The following NRXN1 variants were observed in gnomAD, a reference collection of about 807,000 sequenced individuals.
NRXN1 encodes the protein neurexin 1.
In NRXN1, 39 loss-of-function variants were observed where a neutral mutation model predicts 150.9. The ratio of observed to expected loss-of-function variants is 0.26; its 90% confidence interval spans 0.20 to 0.34. NRXN1 has a LOEUF of 0.34. Ranked by LOEUF, NRXN1 falls within the 10% of genes least tolerant of loss-of-function variation. The pLI, the probability that NRXN1 is intolerant of heterozygous loss-of-function variation, is 1.00. For missense variants in NRXN1, 1,815 were observed against 1,949.9 expected (o/e 0.93, Z 1.30); for synonymous variants, 924 against 757.0 (o/e 1.22, Z -3.62).
chr2:51,029,400 C>T (rs1465291381), intron 1 of NRXN1, among the ~76,000 whole-genome samples: 1 of 152,186 alleles, frequency 6.6e-6, no homozygotes, highest in Non-Finnish European at 1.5e-5. Context: ...TCAGCCATGA[C>T]ACCCTTGTAG....
intron 17 of NRXN1, among the ~76,000 whole-genome samples, chr2:50,262,422 G>A (rs188961317): frequency 6.6e-6 from 1 of 151,830 alleles, no homozygotes; most frequent in Admixed American, 6.6e-5. Flanking sequence ...ACCAGTTCCA[G>A]GTTTATTAGA....
chr2:50,547,454 C>T lies in NRXN1; in HGVS notation c.1759+5133G>A, dbSNP rs542396236. The T allele has an allele frequency of 2.0e-5, 3 of 152,240 alleles. No homozygotes were observed. The East Asian group carries it at 5.8e-4, about 29-fold the overall frequency. 9.4% of individuals were successfully genotyped at this position (152,240 alleles called of 1,614,324 possible). A position where few individuals can be genotyped will look rare whatever the true frequency, so the allele number is the denominator to read the frequency against. ...CTCATCCTAATTGTAGCTCCATTCA[C>T]AGTTTAGCTAAATACCTGGGCAGCT... On this transcript the variant is annotated intron_variant, in intron 9 of 22. Transcript: ENST00000401669.
intron 9 of NRXN1, among the ~76,000 whole-genome samples, chr2:50,540,846 G>A (rs1248847922): frequency 1.2e-4 from 19 of 152,072 alleles, no homozygotes; most frequent in Non-Finnish European, 1.5e-5. Flanking sequence ...ATTTTCAGTA[G>A]AGATGGAGTT....
intron 17 of NRXN1, among the ~76,000 whole-genome samples, chr2:50,257,113 C>G (rs2067776740): frequency 6.6e-6 from 1 of 151,940 alleles, no homozygotes; most frequent in Admixed American, 6.6e-5. Context: ...ATTATTATCT[C>G]CATTTTATGG....
chr2:50,707,137 C>A (rs912777291), intron 5 of NRXN1, among the ~76,000 whole-genome samples: 1 of 152,044 alleles, frequency 6.6e-6, no homozygotes, highest in East Asian at 1.9e-4. Context: ...ATTTGCTTGG[C>A]CCAACTTTGA....
chr2:50,373,672 AAG>A (rs1491251203), intron 17 of NRXN1, among the ~76,000 whole-genome samples: 3 of 107,710 alleles, frequency 2.8e-5, no homozygotes, highest in Non-Finnish European at 3.6e-5. Context: ...GAAAGAAAGA[AAG>A]AAAGAAAAGA....
In NRXN1 at chr2:50,090,912, C is replaced by T. The variant is rs140968715; in HGVS notation, c.3718+411G>A. Reference sequence around the variant, plus strand: ...AGCTGTGCACTACCATCTGAGGAAGCGTTAGGTCTTATTTTCTCTCAGAAA... The same window carrying T: ...AGCTGTGCACTACCATCTGAGGAAGTGTTAGGTCTTATTTTCTCTCAGAAA... On this transcript the variant is annotated intron_variant, in intron 19 of 22. Transcript: ENST00000401669. Among the ~76,000 whole-genome samples, 428 of 152,116 alleles carry T rather than the reference C, an allele frequency of 2.8e-3. 3 individuals are homozygous for T. The highest frequency in any genetic ancestry group is 9.8e-3 in the African/African-American group (405 of 41,480).
chr2:50,696,603 C>T (rs1692916762), intron 5 of NRXN1, among the ~76,000 whole-genome samples: 1 of 152,086 alleles, frequency 6.6e-6, no homozygotes, highest in Non-Finnish European at 1.5e-5. Context: ...TGGTTCTGAG[C>T]AACTATTTCT....
At chr2:50,303,351 A>G (rs1280848956) in intron 17 of NRXN1, among the ~76,000 whole-genome samples, 1 of 152,194 alleles carries the variant, frequency 6.6e-6, no homozygotes, top group Admixed American at 6.5e-5. Flanking sequence ...AACTATGGCT[A>G]TGCTCTCAAT....
intron 18 of NRXN1, among the ~76,000 whole-genome samples, chr2:50,093,428 GA>G (rs1278399386): frequency 6.8e-6 from 1 of 147,498 alleles, no homozygotes; most frequent in African/African-American, 2.5e-5. Context: ...ACCAGCCTGG[GA>G]AACATAGCAA....
At chr2:50,071,218 CTT>C (rs1202749328) in intron 19 of NRXN1, among the ~76,000 whole-genome samples, 1 of 152,190 alleles carries the variant, frequency 6.6e-6, no homozygotes, top group East Asian at 1.9e-4. Flanking sequence ...TTTCTGAAGT[CTT>C]TTAATCTAAG....
chr2:51,015,806 G>A (rs144888039), intron 2 of NRXN1, among the ~76,000 whole-genome samples: 411 of 152,032 alleles, frequency 2.7e-3, no homozygotes, highest in African/African-American at 9.6e-3. Flanking sequence ...TAAAATATAT[G>A]TAATGATATT....
chr2:50,074,432 G>A (rs1396657898), intron 19 of NRXN1, among the ~76,000 whole-genome samples: 3 of 152,074 alleles, frequency 2.0e-5, no homozygotes, highest in Non-Finnish European at 4.4e-5. Context: ...CAAATATCAT[G>A]AATAAACTCA....
At chr2:50,790,513 C>A (rs1705791126) in intron 5 of NRXN1, among the ~76,000 whole-genome samples, 1 of 152,062 alleles carries the variant, frequency 6.6e-6, no homozygotes, top group African/African-American at 2.4e-5. Context: ...CCCAGCTACT[C>A]AGGAGGCTGA....
chr2:50,117,591 A>T (rs1017195004), intron 18 of NRXN1, among the ~76,000 whole-genome samples: 2 of 152,202 alleles, frequency 1.3e-5, no homozygotes, highest in African/African-American at 4.8e-5. Context: ...AAGAACAAGT[A>T]TTAAATGAAT....
intron 8 of NRXN1, chr2:50,619,645 T>C (rs1679639181): frequency 2.8e-6 from 1 of 361,536 alleles, no homozygotes; most frequent in Non-Finnish European, 4.9e-6. Flanking sequence ...TTTTTTCTTT[T>C]AATACTCAAA....
chr2:50,307,787 A>C (rs906342023), intron 17 of NRXN1, among the ~76,000 whole-genome samples: 1 of 152,142 alleles, frequency 6.6e-6, no homozygotes, highest in Admixed American at 6.6e-5. Context: ...GGTTCCCTTT[A>C]TCTTTTCCGT....
intron 5 of NRXN1, among the ~76,000 whole-genome samples, chr2:50,894,770 A>T (rs1362060024): frequency 6.6e-6 from 1 of 152,180 alleles, no homozygotes; most frequent in African/African-American, 2.4e-5. Flanking sequence ...GTGGCAGAGG[A>T]TATCATTTGA....
chr2:50,234,092 T>C (rs1475649180), intron 18 of NRXN1, among the ~76,000 whole-genome samples: 1 of 152,106 alleles, frequency 6.6e-6, no homozygotes, highest in Non-Finnish European at 1.5e-5. Context: ...CTAATTCCTC[T>C]TTCTTTTATT....
Sources: allele counts gnomAD v4.1 joint callset (sites outside exome capture counted in the v4.1 genomes callset), GRCh38; gene constraint gnomAD v4.1.1; transcripts MANE v1.5; gene names NCBI Gene and HGNC (gene_info 2026-07-23, HGNC 2026-07-21).